PI4KA: variants seen among roughly 807,000 people sequenced by gnomAD.
The protein encoded by PI4KA is phosphatidylinositol 4-kinase alpha, also known as PI4-kinase alpha.
A neutral mutation model predicts 271.4 loss-of-function variants in PI4KA; 122 were observed. The ratio of observed to expected loss-of-function variants is 0.45; its 90% confidence interval spans 0.39 to 0.52. PI4KA has a LOEUF of 0.52. Ranked by LOEUF, PI4KA falls within the 20% of genes least tolerant of loss-of-function variation. The probability of loss-of-function intolerance (pLI) is 0.00; values close to 1 mark genes in which losing one functional copy is unlikely to be tolerated. For missense variants in PI4KA, 1,969 were observed against 2,769.1 expected, an observed-to-expected ratio of 0.71 and a Z score of 6.48; for synonymous variants, 1,041 against 1,078.8, an observed-to-expected ratio of 0.96 and a Z score of 0.69.
intron 45 of PI4KA, among the ~76,000 whole-genome samples, chr22:20,717,103 G>A (rs1419940278): frequency 1.9e-4 from 29 of 152,158 alleles, no homozygotes; most frequent in African/African-American, 6.8e-4. Flanking sequence ...AAAATTAGCC[G>A]GGTGTGGTGG....
intron 19 of PI4KA, among the ~76,000 whole-genome samples, chr22:20,781,473 C>G (rs890856990): frequency 6.6e-6 from 1 of 151,790 alleles, no homozygotes; most frequent in Non-Finnish European, 1.5e-5. Context: ...AGGAAGGAGA[C>G]CCCCCCCAGC....
chr22:20,786,309 A>G (rs1934220423), intron 19 of PI4KA, among the ~76,000 whole-genome samples: 1 of 152,128 alleles, frequency 6.6e-6, no homozygotes, highest in Non-Finnish European at 1.5e-5. Context: ...GCCTAGTTTC[A>G]TGGATGCCAG....
chr22:20,820,670 G>C, intron 4 of PI4KA, 59 bp from the exon 5 acceptor site: 2 of 1,194,964 alleles, frequency 1.7e-6, no homozygotes, highest in East Asian at 4.6e-5. Flanking sequence ...TAAATATCAC[G>C]AAACTAAGTC....
rs144527037 is a variant in PI4KA, at chr22:20,839,703, G to A, written c.157-972C>T. ...AATGTAGCCAGGCATGGTGGCGAGC[G>A]GCTGTAATCCCAGCTACTCAGGAGG... On this transcript the variant is annotated intron_variant, in intron 1 of 54. Coordinates refer to ENST00000255882, the MANE Select transcript of PI4KA (RefSeq NM_058004.4). 7.5e-3 allele frequency among the ~76,000 whole-genome samples: 1,140 copies of A among 152,160 alleles called. 10 individuals are homozygous for A. Among genetic ancestry groups the A allele is most frequent in the African/African-American group, 0.026 (1,091 of 41,508 alleles).
At chr22:20,828,280 T>C (rs1044469373) in intron 3 of PI4KA, among the ~76,000 whole-genome samples, 1 of 152,140 alleles carries the variant, frequency 6.6e-6, no homozygotes, top group African/African-American at 2.4e-5. Context: ...TTTCTAGGTA[T>C]AAAATCATAT....
chr22:20,831,715 G>C (rs1461895541), intron 3 of PI4KA, among the ~76,000 whole-genome samples: 1 of 152,182 alleles, frequency 6.6e-6, no homozygotes, highest in Non-Finnish European at 1.5e-5. Context: ...TCCCTTTGAA[G>C]GTGACCTGTC....
intron 1 of PI4KA, 136 bp downstream of exon 1, chr22:20,858,434 T>TCCGCTCAGGCGCCCCCTC: frequency 2.0e-6 from 1 of 502,192 alleles, no homozygotes; most frequent in Non-Finnish European, 3.0e-6. Flanking sequence ...GCTAGATCCC[T>TCCGCTCAGGCGCCCCCTC]CCGCTCAGGC....
At position 20,756,244 on chromosome 22, in the gene PI4KA, G is replaced by A. The variant is rs180894059; in HGVS notation, c.2792-3064C>T. ...TTTTAATTTTTTGAGACAGAGTTTC[G>A]CTCATCGCCCAGGCTGGAGCGCAGT... is the stretch of plus-strand genomic sequence containing the variant. On this transcript the variant is annotated intron_variant, in intron 23 of 54. Coordinates refer to ENST00000255882, the MANE Select transcript of PI4KA (RefSeq NM_058004.4). 1.8e-3 allele frequency among the ~76,000 whole-genome samples: 270 copies of A among 149,190 alleles called. 2 individuals are homozygous for A. Among genetic ancestry groups the A allele is most frequent in the African/African-American group, 6.2e-3 (249 of 40,382 alleles).
chr22:20,759,286 C>T (rs1436541874), intron 23 of PI4KA, among the ~76,000 whole-genome samples: 2 of 152,148 alleles, frequency 1.3e-5, no homozygotes, highest in Non-Finnish European at 2.9e-5. Flanking sequence ...TCAAGTAATC[C>T]ACTTGGGTTG....
At chr22:20,853,534 TTTC>T (rs1315200558) in intron 1 of PI4KA, among the ~76,000 whole-genome samples, 2 of 152,218 alleles carry the variant, frequency 1.3e-5, no homozygotes, top group East Asian at 3.9e-4. Flanking sequence ...TGCCTATTTT[TTTC>T]TTCTTATCTT....
At chr22:20,720,489 C>T (rs1009887331) in intron 43 of PI4KA, among the ~76,000 whole-genome samples, 3 of 152,120 alleles carry the variant, frequency 2.0e-5, no homozygotes, top group Admixed American at 2.0e-4. Flanking sequence ...GTGGTCAAGG[C>T]TGCAGTGAGC....
chr22:20,720,016 A>T (rs1601328041), intron 43 of PI4KA, among the ~76,000 whole-genome samples: 1 of 121,062 alleles, frequency 8.3e-6, no homozygotes, highest in South Asian at 2.8e-4. Flanking sequence ...ACTAATCAAG[A>T]CTCTGTCTCA....
At chr22:20,718,875 CA>C (rs1926358084) in intron 43 of PI4KA, 53 bp from the exon 44 acceptor site, 1 of 1,590,412 alleles carries the variant, frequency 6.3e-7, no homozygotes, top group Non-Finnish European at 8.6e-7. Context: ...AGAGGCCCCT[CA>C]GGAATACCAG....
At chr22:20,769,465 C>T (rs548274829) in intron 19 of PI4KA, among the ~76,000 whole-genome samples, 5 of 152,084 alleles carry the variant, frequency 3.3e-5, no homozygotes, top group African/African-American at 9.6e-5. Context: ...GTCAGGAGAT[C>T]GAGATCAGCC....
intron 4 of PI4KA, among the ~76,000 whole-genome samples, chr22:20,823,273 C>G (rs1036263569): frequency 1.2e-5 from 1 of 83,956 alleles, no homozygotes; most frequent in Non-Finnish European, 2.4e-5. Flanking sequence ...CCTCTTTATT[C>G]TGATAAATTT....
rs917002895 is a variant in PI4KA, at chr22:20,796,203, C to T, written c.2220G>A (p.Leu740=). ...LMNLLELFVQ[L]GLEGKRASER... ...CGCTGGCTCGCTTCCCCTCCAGCCC[C>T]AGCTGCACAAACAACTCCAACAGGT... is the stretch of plus-strand genomic sequence containing the variant. The change falls in exon 18 of 55, where the codon CTG becomes CTA. Residue 740 remains leucine (L), a synonymous_variant. Coordinates refer to ENST00000255882, the MANE Select transcript of PI4KA (RefSeq NM_058004.4). 39 of 1,614,040 alleles carry T rather than the reference C, an allele frequency of 2.4e-5. No homozygotes were observed. Among genetic ancestry groups the T allele is most frequent in the Non-Finnish European group, 3.3e-5 (39 of 1,180,010 alleles).
At chr22:20,761,662 A>G (rs1931983957) in intron 22 of PI4KA, among the ~76,000 whole-genome samples, 1 of 152,170 alleles carries the variant, frequency 6.6e-6, no homozygotes, top group Admixed American at 6.5e-5. Context: ...CAAAATGGAA[A>G]GACTCTGAAT....
rs1317931662 is a variant in PI4KA, at chr22:20,714,514, G to A, written c.5405C>T (p.Pro1802Leu). ...GTPMQSAAKA[P>L]YLAKFKVKRC... ...CTTCACCTTGAACTTGGCCAGATATGGGGCTTTTGCAGCACTGAAAACAAC... is the reference window on the plus strand; with the variant it reads ...CTTCACCTTGAACTTGGCCAGATATAGGGCTTTTGCAGCACTGAAAACAAC... The change falls in exon 47 of 55, where the codon CCA becomes CTA. Residue 1802 changes from proline to leucine, a missense_variant. Pro to Leu is a moderately conservative substitution (Grantham distance 98). Transcript: ENST00000255882. 1 of 1,613,694 alleles carries A rather than the reference G, an allele frequency of 6.2e-7. No individual in the cohort carries two copies. The highest frequency in any genetic ancestry group is 8.5e-7 in the Non-Finnish European group (1 of 1,179,716).
In PI4KA at chr22:20,727,564, T is replaced by C. The variant is rs775801312; in HGVS notation, c.4774-167A>G. The C allele has an allele frequency of 9.6e-4, 667 of 692,292 alleles. 1 individual carries two copies. The highest frequency in any genetic ancestry group is 1.1e-3 in the Non-Finnish European group (480 of 417,410). The allele number at this position is 692,292 out of a possible 1,614,324, so 42.9% of individuals were successfully genotyped here. ...TTATGGAAAACAACGTAACTGCAAT[T>C]AGGGTGAAGTGCATTACATTTTTTT... On this transcript the variant is annotated intron_variant, in intron 40 of 54. Coordinates refer to ENST00000255882, the MANE Select transcript of PI4KA (RefSeq NM_058004.4).
Sources: allele counts gnomAD v4.1 joint callset (sites outside exome capture counted in the v4.1 genomes callset), GRCh38; gene constraint gnomAD v4.1.1; transcripts MANE v1.5; gene names NCBI Gene and HGNC (gene_info 2026-07-23, HGNC 2026-07-21).